The following NBEAL1 variants were observed in gnomAD, a reference collection of about 807,000 sequenced individuals.
NBEAL1 encodes the protein neurobeachin-like protein 1.
Under a neutral mutation model 351.3 loss-of-function variants are expected in NBEAL1, and 273 were observed. The observed-to-expected ratio is 0.78, with a 90% CI of 0.70 to 0.86. The LOEUF is 0.86. Ranked by LOEUF, NBEAL1 falls within the 40% of genes least tolerant of loss-of-function variation. The probability of loss-of-function intolerance (pLI) is 0.00; values close to 1 mark genes in which losing one functional copy is unlikely to be tolerated. For missense variants in NBEAL1, 2,961 were observed against 3,201.3 expected (o/e 0.92, Z 1.81); for synonymous variants, 1,050 against 1,086.4 (o/e 0.97, Z 0.66).
intron 35 of NBEAL1, 57 bp downstream of exon 35, chr2:203,151,646 T>C (rs1351107425): frequency 1.4e-6 from 2 of 1,460,484 alleles, no homozygotes; most frequent in East Asian, 4.8e-5. Flanking sequence ...GTTCGTGGGG[T>C]TGACGATTGT....
At chr2:203,123,728 C>G (rs1383762521) in intron 19 of NBEAL1, among the ~76,000 whole-genome samples, 1 of 152,114 alleles carries the variant, frequency 6.6e-6, no homozygotes, top group African/African-American at 2.4e-5. Flanking sequence ...ACTGGTTTTA[C>G]AAAGCTGATT....
intron 2 of NBEAL1, among the ~76,000 whole-genome samples, chr2:203,029,291 G>A (rs1336054808): frequency 6.6e-6 from 1 of 152,088 alleles, no homozygotes; most frequent in Admixed American, 6.6e-5. Flanking sequence ...CACCCAGCCT[G>A]CATCAGAAGC....
In NBEAL1 at chr2:203,197,327, T is replaced by G; in HGVS notation, c.7064T>G (p.Leu2355Ter). 6.3e-7 allele frequency: 1 copy of G among 1,599,106 alleles called. No homozygotes were observed. The highest frequency in any genetic ancestry group is 1.1e-5 in the South Asian group (1 of 90,730). ...IEGISDGIPL[L>*]KATIPKNQYR... ...GGGATTAGTGATGGTATTCCACTAT[T>G]AAAGGCCACCATCCCCAAAAATCAG... Residue 2355 changes from leucine (L) to a stop codon, truncating the protein, a stop_gained, in exon 48 of 56, where the codon TTA becomes TGA. Transcript: ENST00000683969. LOFTEE classifies it high-confidence loss of function.
intron 31 of NBEAL1, 42 bp downstream of exon 31, chr2:203,138,790 G>A: frequency 6.4e-7 from 1 of 1,557,018 alleles, no homozygotes; most frequent in South Asian, 1.2e-5. Context: ...CTTGCATGCA[G>A]CATAGGTATT....
At chr2:203,212,159 A>G (rs2105853369) in intron 54 of NBEAL1, among the ~76,000 whole-genome samples, 1 of 150,416 alleles carries the variant, frequency 6.6e-6, no homozygotes, top group East Asian at 2.0e-4. Context: ...AAGTGCTGGG[A>G]TTACAGGCAT....
intron 4 of NBEAL1, among the ~76,000 whole-genome samples, chr2:203,050,690 G>A (rs528246986): frequency 8.4e-4 from 128 of 152,156 alleles, no homozygotes; most frequent in African/African-American, 2.8e-3. Context: ...TTACATTTTG[G>A]TATGCATGAA....
chr2:203,060,178 T>C (rs2061475465), intron 6 of NBEAL1, among the ~76,000 whole-genome samples: 1 of 152,162 alleles, frequency 6.6e-6, no homozygotes, highest in East Asian at 1.9e-4. Flanking sequence ...AAAGGAATCT[T>C]TAATAATAAG....
intron 10 of NBEAL1, among the ~76,000 whole-genome samples, chr2:203,086,540 C>G (rs889690409): frequency 6.6e-6 from 1 of 152,106 alleles, no homozygotes; most frequent in Non-Finnish European, 1.5e-5. Flanking sequence ...TTTAGTCTCC[C>G]CTTTCTTATC....
chr2:203,099,686 G>T lies in NBEAL1; in HGVS notation c.1243G>T (p.Val415Leu), dbSNP rs930643323. 6.5e-7 allele frequency: 1 copy of T among 1,549,554 alleles called. No individual in the cohort carries two copies. Among genetic ancestry groups the T allele is most frequent in the African/African-American group, 1.4e-5 (1 of 72,934 alleles). Residue 415 changes from valine to leucine, a missense_variant, in exon 12 of 56, where the codon GTA becomes TTA. Physicochemically the swap from Val to Leu is conservative, Grantham distance 32 (BLOSUM62 1). Coordinates refer to ENST00000683969, the MANE Select transcript of NBEAL1 (RefSeq NM_001378026.1). Reference sequence around the variant, plus strand: ...ATCAACCATTCAGGCTTTGACCGCAGTAATGAACAAATCTCCAGCTGCTAA... The same window carrying T: ...ATCAACCATTCAGGCTTTGACCGCATTAATGAACAAATCTCCAGCTGCTAA... The part of the protein sequence containing the change: ...AISTIQALTA[V>L]MNKSPAAKEV...
chr2:203,203,724 C>T (rs2065467411), intron 51 of NBEAL1, among the ~76,000 whole-genome samples: 2 of 151,902 alleles, frequency 1.3e-5, no homozygotes, highest in African/African-American at 2.4e-5. Context: ...TTGTTTTCTT[C>T]TAATTTTTTT....
chr2:203,114,637 G>A (rs1297608995), intron 17 of NBEAL1, among the ~76,000 whole-genome samples: 1 of 152,134 alleles, frequency 6.6e-6, no homozygotes, highest in African/African-American at 2.4e-5. Flanking sequence ...CTGCAGAATA[G>A]CTTCTTATTT....
intron 36 of NBEAL1, among the ~76,000 whole-genome samples, chr2:203,164,856 T>C (rs1343211574): frequency 1.4e-5 from 2 of 144,946 alleles, no homozygotes; most frequent in Non-Finnish European, 3.0e-5. Context: ...GAAGCTCCCA[T>C]TTCTCTTTTT....
intron 29 of NBEAL1, among the ~76,000 whole-genome samples, chr2:203,137,499 A>C (rs1162978113): frequency 6.6e-6 from 1 of 152,190 alleles, no homozygotes; most frequent in Non-Finnish European, 1.5e-5. Flanking sequence ...AGGCATAATA[A>C]GGCTTTCTTC....
chr2:203,117,601 C>G (rs1340240157), intron 18 of NBEAL1, among the ~76,000 whole-genome samples: 1 of 152,128 alleles, frequency 6.6e-6, no homozygotes, highest in African/African-American at 2.4e-5. Context: ...GTTCTTTTGT[C>G]TTTTTTTCCT....
chr2:203,145,922 TAG>T (rs1575041070), intron 33 of NBEAL1, among the ~76,000 whole-genome samples: 1 of 140,728 alleles, frequency 7.1e-6, no homozygotes, highest in East Asian at 2.1e-4. Flanking sequence ...AGAAAAATAA[TAG>T]AGAAAATCAA....
At chr2:203,061,512 G>A (rs2061498624) in intron 6 of NBEAL1, 3 of 152,202 alleles carry the variant, frequency 2.0e-5, no homozygotes, top group Admixed American at 6.6e-5. Context: ...CTTTCATGTC[G>A]TCAAAGGGAA....
At chr2:203,137,623 A>G (rs1008960148) in intron 29 of NBEAL1, among the ~76,000 whole-genome samples, 9 of 152,202 alleles carry the variant, frequency 5.9e-5, no homozygotes, top group African/African-American at 1.7e-4. Flanking sequence ...GAAACTTTTG[A>G]CTTTTAATAC....
At chr2:203,055,357 C>T (rs1472122204) in intron 4 of NBEAL1, among the ~76,000 whole-genome samples, 1 of 151,924 alleles carries the variant, frequency 6.6e-6, no homozygotes. Flanking sequence ...AATCCCAGAC[C>T]TTTGGGAGGC....
rs2065435585 is a variant in NBEAL1, at chr2:203,202,726, A to G, written c.7451A>G (p.His2484Arg). 2 of 1,602,974 alleles carry G rather than the reference A, an allele frequency of 1.2e-6. No homozygotes were observed. The highest frequency in any genetic ancestry group is 1.7e-6 in the Non-Finnish European group (2 of 1,170,160). ...TTAGCTACAGATTACTGTGGAATAC[A>G]TTTGATTTCTGGTTCCAGAGATACT... ...TCLATDYCGI[H>R]LISGSRDTTC... Residue 2484 changes from histidine to arginine, a missense_variant, in exon 51 of 56, where the codon CAT becomes CGT. By Grantham distance (29) the His-to-Arg change is conservative. Coordinates refer to ENST00000683969, the MANE Select transcript of NBEAL1 (RefSeq NM_001378026.1).
Sources: allele counts gnomAD v4.1 joint callset (sites outside exome capture counted in the v4.1 genomes callset), GRCh38; gene constraint gnomAD v4.1.1; transcripts MANE v1.5; gene names NCBI Gene and HGNC (gene_info 2026-07-23, HGNC 2026-07-21).